The following UGGT1 variants were observed in gnomAD, a reference collection of about 807,000 sequenced individuals.
UGGT1 encodes the protein UDP-glucose glycoprotein glucosyltransferase 1.
A neutral mutation model predicts 203.9 loss-of-function variants in UGGT1; 107 were observed. That is an observed-to-expected ratio of 0.52 (90% CI 0.45 to 0.62). The LOEUF (loss-of-function observed/expected upper bound fraction) is 0.62. Among genes scored for constraint, UGGT1 ranks in the 20% least tolerant of loss-of-function variants. The pLI is 0.00. For synonymous variants in UGGT1, 628 were observed against 653.5 expected, an observed-to-expected ratio of 0.96 and a Z score of 0.59; for missense variants, 1,673 against 1,867.2, an observed-to-expected ratio of 0.90 and a Z score of 1.92.
chr2:128,153,364 C>T (rs1690071764), intron 19 of UGGT1, among the ~76,000 whole-genome samples: 1 of 152,082 alleles, frequency 6.6e-6, no homozygotes, highest in South Asian at 2.1e-4. Context: ...TGCCATAAAA[C>T]TCAACCTTTT....
At chr2:128,163,442 G>A (rs773802364) in intron 25 of UGGT1, among the ~76,000 whole-genome samples, 17 of 149,594 alleles carry the variant, frequency 1.1e-4, no homozygotes, top group Admixed American at 4.7e-4. Flanking sequence ...TAGGCTGGGC[G>A]TGGTGGCTCA....
rs1191836221 is a variant in UGGT1, at chr2:128,115,126, T to G, written c.699T>G (p.Asn233Lys). ...TGGAATTCTTGCTTTACTTGCAGAATCCCAGGAAGGAGCCTGTTTACCTCT... is the reference window on the plus strand; with the variant it reads ...TGGAATTCTTGCTTTACTTGCAGAAGCCCAGGAAGGAGCCTGTTTACCTCT... ...INYVFRHYIF[N>K]PRKEPVYLSG... The change falls in exon 7 of 41, where the codon AAT becomes AAG. Residue 233 changes from asparagine (N) to lysine (K), a missense_variant and splice_region_variant. Around this residue, in one of 4 missense-constraint regions of UGGT1, gnomAD observed 1,073 missense variants for 1,078.7 expected, o/e 0.99. Coordinates refer to ENST00000259253, the MANE Select transcript of UGGT1 (RefSeq NM_020120.4). 5 of 1,613,798 alleles carry G rather than the reference T, an allele frequency of 3.1e-6. No individual in the cohort carries two copies. Among genetic ancestry groups the G allele is most frequent in the Admixed American group, 1.7e-5 (1 of 59,988 alleles).
chr2:128,099,183 G>GA (rs1275081065), intron 2 of UGGT1, among the ~76,000 whole-genome samples: 1 of 152,040 alleles, frequency 6.6e-6, no homozygotes, highest in Non-Finnish European at 1.5e-5. Flanking sequence ...TGTCTCTGTT[G>GA]TTCAGGCTAG....
Position 128,181,052 on chromosome 2 carries a change from C to A in UGGT1, c.4063C>A (p.Leu1355Met). 1 of 1,614,070 alleles carries A rather than the reference C, an allele frequency of 6.2e-7. No homozygotes were observed. Among genetic ancestry groups the A allele is most frequent in the Non-Finnish European group, 8.5e-7 (1 of 1,179,968 alleles). The change falls in exon 36 of 41, where the codon CTG becomes ATG. Residue 1355 changes from leucine to methionine, a missense_variant. Physicochemically the swap from Leu to Met is conservative, Grantham distance 15. Around this residue, in one of 4 missense-constraint regions of UGGT1, gnomAD observed 513 missense variants for 684.1 expected, o/e 0.75. Coordinates refer to ENST00000259253, the MANE Select transcript of UGGT1 (RefSeq NM_020120.4). ...VLFPLVVDKFLFVDADQIVRT... is the reference protein window; with the variant it reads ...VLFPLVVDKFMFVDADQIVRT... ...TTTCCCACTAGTTGTTGACAAGTTC[C>A]TGTTTGTGGATGCTGATCAGGTAGG...
intron 18 of UGGT1, 127 bp downstream of exon 18, chr2:128,146,094 G>A (rs1013286664): frequency 8.5e-7 from 1 of 1,179,840 alleles, no homozygotes; most frequent in Admixed American, 2.6e-5. Context: ...GATGGTTTGA[G>A]GGTAGGAAGT....
chr2:128,108,097 T>G, intron 4 of UGGT1, 29 bp downstream of exon 4: 1 of 1,613,200 alleles, frequency 6.2e-7, no homozygotes. Flanking sequence ...AAGAACAGCA[T>G]TTTAGAGTGT....
intron 28 of UGGT1, among the ~76,000 whole-genome samples, chr2:128,171,671 C>T (rs1215863780): frequency 6.6e-6 from 1 of 152,074 alleles, no homozygotes. Context: ...CCATGCCCAG[C>T]TAATTTTTGT....
intron 11 of UGGT1, among the ~76,000 whole-genome samples, 183 bp from the exon 12 acceptor site, chr2:128,127,178 A>G (rs1218525485): frequency 6.6e-6 from 1 of 152,246 alleles, no homozygotes; most frequent in Non-Finnish European, 1.5e-5. Context: ...ATGTTTCGAA[A>G]TGTGTATACA....
chr2:128,130,541 C>T (rs1230534698), intron 13 of UGGT1, among the ~76,000 whole-genome samples: 1 of 152,128 alleles, frequency 6.6e-6, no homozygotes, highest in East Asian at 1.9e-4. Flanking sequence ...ATCAACATGA[C>T]ATGTTTATGC....
chr2:128,173,781 G>T lies in UGGT1; in HGVS notation c.3295G>T (p.Val1099Leu). The T allele has an allele frequency of 6.2e-7, 1 of 1,613,542 alleles. No homozygotes were observed. The highest frequency in any genetic ancestry group is 1.1e-5 in the South Asian group (1 of 90,994). ...YDLDNIYLEE[V>L]DSVVAAEYEL... The stretch of plus-strand genomic sequence containing the variant: ...CAAGTGATTGGATTTTGGCTTGCAG[G>T]TGGACAGTGTAGTGGCTGCTGAGTA... Residue 1099 changes from valine (V) to leucine (L), a missense_variant and splice_region_variant, in exon 30 of 41, where the codon GTG (valine) becomes TTG (leucine). Physicochemically the swap from Val to Leu is conservative, Grantham distance 32. Coordinates refer to ENST00000259253, the MANE Select transcript of UGGT1 (RefSeq NM_020120.4).
At chr2:128,109,886 A>G (rs1687770465) in intron 5 of UGGT1, 140 bp downstream of exon 5, 1 of 636,846 alleles carries the variant, frequency 1.6e-6, no homozygotes, top group Non-Finnish European at 2.7e-6. Context: ...CAGACTGACT[A>G]TATTTGAATC....
intron 7 of UGGT1, among the ~76,000 whole-genome samples, chr2:128,115,483 T>TAAAA (rs55952659): frequency 7.4e-5 from 9 of 121,722 alleles, no homozygotes; most frequent in Non-Finnish European, 1.2e-4. Context: ...TTTCATGTAC[T>TAAAA]AAAAAAAAAA....
chr2:128,174,080 A>T (rs1691249844), intron 30 of UGGT1, 141 bp downstream of exon 30: 1 of 988,162 alleles, frequency 1.0e-6, no homozygotes, highest in South Asian at 1.8e-5. Context: ...TATAGAAATC[A>T]TTAGTTCAGC....
Position 128,191,288 on chromosome 2 carries a change from C to A in UGGT1, c.*1546C>A, listed in dbSNP as rs569805847. Reference sequence around the variant, plus strand: ...CAAATATCAAGTAATTTATTTTTTCCATTTTCAAATGCAAAAGTTAGCCTA... The same window carrying A: ...CAAATATCAAGTAATTTATTTTTTCAATTTTCAAATGCAAAAGTTAGCCTA... On this transcript the variant is annotated 3_prime_UTR_variant, in exon 41 of 41. Coordinates refer to ENST00000259253, the MANE Select transcript of UGGT1 (RefSeq NM_020120.4). The A allele has an allele frequency of 5.3e-5, 8 of 152,262 alleles. No homozygotes were observed. The highest frequency in any genetic ancestry group is 1.9e-4 in the African/African-American group (8 of 41,556). 9.4% of individuals were successfully genotyped at this position (152,262 alleles called of 1,614,324 possible).
chr2:128,131,604 A>ATTGTG (rs1356597696), intron 13 of UGGT1, among the ~76,000 whole-genome samples: 32 of 151,836 alleles, frequency 2.1e-4, no homozygotes, highest in African/African-American at 5.3e-4. Context: ...AGAGTATTGT[A>ATTGTG]TTGTGTTGTG....
intron 15 of UGGT1, 136 bp from the exon 16 acceptor site, chr2:128,138,581 G>C (rs1689256797): frequency 1.0e-6 from 1 of 971,406 alleles, no homozygotes; most frequent in Admixed American, 2.7e-5. Flanking sequence ...AGTAGAGTAG[G>C]CTGTGAACTG....
intron 5 of UGGT1, among the ~76,000 whole-genome samples, chr2:128,110,778 A>G (rs1687810857): frequency 6.6e-6 from 1 of 152,180 alleles, no homozygotes; most frequent in Non-Finnish European, 1.5e-5. Context: ...TCAATTTAGT[A>G]CAAGTGGGTA....
chr2:128,107,068 T>G (rs1687641455), intron 3 of UGGT1, among the ~76,000 whole-genome samples: 1 of 152,210 alleles, frequency 6.6e-6, no homozygotes, highest in African/African-American at 2.4e-5. Flanking sequence ...CAGAGAAATC[T>G]TGTTTCTTCC....
intron 18 of UGGT1, among the ~76,000 whole-genome samples, chr2:128,148,570 G>A (rs1003037283): frequency 1.3e-5 from 2 of 152,184 alleles, no homozygotes; most frequent in South Asian, 4.1e-4. Context: ...CAGGCAGTTG[G>A]CAACTCTGCC....
Sources: gnomAD v4.1 joint callset for allele counts (sites outside exome capture counted in the v4.1 genomes callset) on GRCh38, gnomAD v4.1.1 for gene constraint, gnomAD v4.1.1 regional missense constraint, MANE v1.5 for transcripts, NCBI Gene and HGNC (gene_info 2026-07-23, HGNC 2026-07-21) for gene names.